Variants in PLXDC2 observed in about 807,000 individuals in gnomAD.
PLXDC2 encodes plexin domain-containing protein 2.
In PLXDC2, 40 loss-of-function variants were observed where a neutral mutation model predicts 68.9. The observed-to-expected ratio is 0.58, with a 90% CI of 0.45 to 0.76. The LOEUF is 0.76. Among genes scored for constraint, PLXDC2 ranks in the 30% least tolerant of loss-of-function variants. PLXDC2 has a pLI of 0.00. For missense variants in PLXDC2, 644 were observed against 661.9 expected (o/e 0.97, Z 0.30); for synonymous variants, 243 against 234.2 (o/e 1.04, Z -0.34).
intron 1 of PLXDC2, among the ~76,000 whole-genome samples, chr10:19,852,202 G>C (rs1188391597): frequency 6.6e-6 from 1 of 151,858 alleles, no homozygotes; most frequent in African/African-American, 2.4e-5. Flanking sequence ...CCAGGATTTC[G>C]AGACCAGCCT....
At chr10:19,973,349 TACTC>T (rs146406535) in intron 1 of PLXDC2, among the ~76,000 whole-genome samples, 61 of 126,312 alleles carry the variant, frequency 4.8e-4, no homozygotes, top group African/African-American at 1.2e-3. Flanking sequence ...TATATATGTA[TACTC>T]ACATATATAT....
rs148676553 is a variant in PLXDC2, at chr10:20,253,782, CAT to C, written c.1473+8278_1473+8279del. On this transcript the variant is annotated intron_variant, in intron 13 of 13. Coordinates refer to ENST00000377252, the MANE Select transcript of PLXDC2 (RefSeq NM_032812.9). ...CGTATTATTCTCTTTAATACAGACA[CAT>C]GTTTGATATAAAAAATGATTCCACA... Among the ~76,000 whole-genome samples, 1,423 of 152,260 alleles carry C rather than the reference CAT, an allele frequency of 9.3e-3. 16 individuals carry two copies. Among genetic ancestry groups the C allele is most frequent in the African/African-American group, 0.032 (1,319 of 41,554 alleles).
chr10:20,216,031 C>T (rs528744790), intron 10 of PLXDC2, among the ~76,000 whole-genome samples: 8 of 151,660 alleles, frequency 5.3e-5, no homozygotes, highest in Non-Finnish European at 1.2e-4. Flanking sequence ...TGTGATTATT[C>T]TCCAGCTGTG....
chr10:20,029,047 T>C (rs575275438), intron 2 of PLXDC2, among the ~76,000 whole-genome samples: 3 of 152,292 alleles, frequency 2.0e-5, no homozygotes, highest in African/African-American at 7.2e-5. Flanking sequence ...TCTGCCCTTT[T>C]TCCTATGATC....
Position 20,057,952 on chromosome 10 carries a change from G to A in PLXDC2, c.472-10218G>A, listed in dbSNP as rs372723811. 2.0e-3 allele frequency among the ~76,000 whole-genome samples: 307 copies of A among 151,808 alleles called. 9 individuals are homozygous for A. The South Asian group carries it at 0.042, about 21-fold the overall frequency. ...AAAAAAGATGTGGGGGGCTCTTTGT[G>A]TTATTTTTTGTAACTATTCTTTCAT... On this transcript the variant is annotated intron_variant, in intron 3 of 13. Coordinates refer to ENST00000377252, the MANE Select transcript of PLXDC2 (RefSeq NM_032812.9).
At chr10:19,823,482 G>C (rs1836515643) in intron 1 of PLXDC2, among the ~76,000 whole-genome samples, 2 of 151,350 alleles carry the variant, frequency 1.3e-5, no homozygotes, top group African/African-American at 2.4e-5. Flanking sequence ...AGGAGATCAA[G>C]ACCATCCTGG....
chr10:20,238,662 A>AAAAAATAT (rs1175526348), intron 12 of PLXDC2, among the ~76,000 whole-genome samples: 1 of 31,726 alleles, frequency 3.2e-5, no homozygotes, highest in Non-Finnish European at 7.6e-5. Flanking sequence ...TCTCAAAAAA[A>AAAAAATAT]ATATATATAT....
chr10:19,932,426 G>A (rs1165565916), intron 1 of PLXDC2, among the ~76,000 whole-genome samples: 1 of 152,142 alleles, frequency 6.6e-6, no homozygotes, highest in Non-Finnish European at 1.5e-5. Context: ...AGGGTGACAA[G>A]GCTTGAAATA....
At position 20,177,106 on chromosome 10, in the gene PLXDC2, T is replaced by C; in HGVS notation, c.979+12T>C. On this transcript the variant is annotated intron_variant, in intron 8 of 13. Coordinates refer to ENST00000377252, the MANE Select transcript of PLXDC2 (RefSeq NM_032812.9). ...GACCCCATTACCCAGTAAGCGAATA[T>C]GTAAACCTAGGTGGAAAACATGATT... The C allele has an allele frequency of 6.4e-7, 1 of 1,573,422 alleles. No homozygotes were observed. The highest frequency in any genetic ancestry group is 8.7e-7 in the Non-Finnish European group (1 of 1,144,836).
At chr10:19,890,971 TC>T (rs2131359729) in intron 1 of PLXDC2, among the ~76,000 whole-genome samples, 1 of 152,216 alleles carries the variant, frequency 6.6e-6, no homozygotes, top group Non-Finnish European at 1.5e-5. Context: ...CTTGCTGCTT[TC>T]CTTGAGATTC....
chr10:19,886,077 G>C (rs1266128666), intron 1 of PLXDC2, among the ~76,000 whole-genome samples: 1 of 152,108 alleles, frequency 6.6e-6, no homozygotes. Context: ...CACATCCCTT[G>C]TAAGGTGGAT....
At chr10:20,121,601 G>T (rs924358739) in intron 4 of PLXDC2, among the ~76,000 whole-genome samples, 4 of 152,214 alleles carry the variant, frequency 2.6e-5, no homozygotes, top group African/African-American at 9.6e-5. Context: ...AAAGCGAAGA[G>T]AGGCTGGGAT....
intron 7 of PLXDC2, among the ~76,000 whole-genome samples, chr10:20,175,442 G>A (rs932761812): frequency 2.6e-5 from 4 of 152,180 alleles, no homozygotes; most frequent in African/African-American, 9.6e-5. Context: ...AACACTTTGG[G>A]AGACCAAAGT....
At chr10:20,233,799 G>A (rs988985122) in intron 12 of PLXDC2, among the ~76,000 whole-genome samples, 4 of 151,960 alleles carry the variant, frequency 2.6e-5, no homozygotes, top group Non-Finnish European at 5.9e-5. Flanking sequence ...CACCAACTTT[G>A]CCTAATCATA....
intron 9 of PLXDC2, among the ~76,000 whole-genome samples, chr10:20,189,476 C>CATATATATATATATATATATATATAT (rs59999548): frequency 5.3e-5 from 4 of 75,782 alleles, no homozygotes; most frequent in South Asian, 4.9e-4. Flanking sequence ...AAAGGTAGGC[C>CATATATATATATATATATATATATAT]ATATATATAT....
At chr10:20,163,006 G>A (rs925850022) in intron 6 of PLXDC2, among the ~76,000 whole-genome samples, 6 of 151,516 alleles carry the variant, frequency 4.0e-5, no homozygotes, top group East Asian at 1.9e-4. Context: ...GCTTCAACCC[G>A]GGAGGCGGAG....
chr10:19,936,677 T>G (rs182410208), intron 1 of PLXDC2, among the ~76,000 whole-genome samples: 20 of 152,352 alleles, frequency 1.3e-4, no homozygotes, highest in African/African-American at 4.6e-4. Flanking sequence ...GATGTATTGT[T>G]GGTAACTTGA....
intron 4 of PLXDC2, among the ~76,000 whole-genome samples, chr10:20,097,119 A>G (rs114477766): frequency 0.04 from 6,123 of 152,216 alleles, 163 homozygotes; most frequent in South Asian, 0.067. Flanking sequence ...ATTGATCTAG[A>G]GGCATTTGTC....
chr10:20,194,944 G>A (rs1380168817), intron 9 of PLXDC2, among the ~76,000 whole-genome samples: 8 of 151,744 alleles, frequency 5.3e-5, no homozygotes, highest in Non-Finnish European at 1.0e-4. Context: ...TTCTCTTCTT[G>A]TAGTCCCCTA....
Sources: allele counts gnomAD v4.1 joint callset (sites outside exome capture counted in the v4.1 genomes callset), GRCh38; gene constraint gnomAD v4.1.1; transcripts MANE v1.5; gene names NCBI Gene and HGNC (gene_info 2026-07-23, HGNC 2026-07-21).